The following CCDC171 variants were observed in gnomAD, a reference collection of about 807,000 sequenced individuals.
CCDC171 encodes the protein coiled-coil domain containing 171.
In CCDC171, 177 loss-of-function variants were observed where a neutral mutation model predicts 168.2. The ratio of observed to expected loss-of-function variants is 1.05; its 90% CI spans 0.93 to 1.19. CCDC171 has a LOEUF of 1.19. Ranked by LOEUF, CCDC171 falls within the 50% of genes most tolerant of loss-of-function variation. CCDC171 has a pLI of 0.00. For synonymous variants in CCDC171, 687 were observed against 540.8 expected, an observed-to-expected ratio of 1.27 and a Z score of -3.75; for missense variants, 1,991 against 1,539.0, an observed-to-expected ratio of 1.29 and a Z score of -4.91.
At chr9:15,554,749 G>C (rs989585068) in intron 1 of CCDC171, among the ~76,000 whole-genome samples, 1 of 152,178 alleles carries the variant, frequency 6.6e-6, no homozygotes, top group Admixed American at 6.5e-5. Context: ...ACAGCACTGC[G>C]TAGTGAAAGA....
Position 15,678,855 on chromosome 9 carries a change from A to G in CCDC171, c.1174A>G (p.Asn392Asp), listed in dbSNP as rs760083621. ...AGACCTTTCAAAGAGACTCCAGTATAATGAAAAAAGTTGCAGTGAATTACA... is the reference window on the plus strand; with the variant it reads ...AGACCTTTCAAAGAGACTCCAGTATGATGAAAAAAGTTGCAGTGAATTACA... ...IIDLSKRLQY[N>D]EKSCSELQEE... Residue 392 changes from asparagine (N) to aspartate (D), a missense_variant, in exon 10 of 26, where the codon AAT (asparagine) becomes GAT (aspartate). Transcript: ENST00000380701. 18 of 1,594,074 alleles carry G rather than the reference A, an allele frequency of 1.1e-5. No individual in the cohort carries two copies. Among genetic ancestry groups the G allele is most frequent in the Non-Finnish European group, 1.5e-5 (18 of 1,172,834 alleles).
intron 16 of CCDC171, among the ~76,000 whole-genome samples, chr9:15,742,435 C>CT (rs1199335557): frequency 6.6e-5 from 10 of 152,204 alleles, no homozygotes. Flanking sequence ...CTGCCTCTTC[C>CT]TTTTCCTCAT....
At chr9:15,716,257 A>G (rs1353076526) in intron 11 of CCDC171, among the ~76,000 whole-genome samples, 2 of 152,120 alleles carry the variant, frequency 1.3e-5, no homozygotes, top group East Asian at 1.9e-4. Flanking sequence ...GATATATTCT[A>G]TTCTTCATTT....
At chr9:16,024,881 C>T (rs934397138) in intron 6 of CCDC171, among the ~76,000 whole-genome samples, 1 of 152,216 alleles carries the variant, frequency 6.6e-6, no homozygotes, top group Non-Finnish European at 1.5e-5. Context: ...TGCTGAGAAC[C>T]TGCTATTTGG....
intron 21 of CCDC171, among the ~76,000 whole-genome samples, chr9:15,812,354 G>A (rs1023839785): frequency 6.6e-6 from 1 of 152,154 alleles, no homozygotes; most frequent in African/African-American, 2.4e-5. Flanking sequence ...GGTAGCGAGG[G>A]TAATCTTCAA....
In CCDC171 at chr9:15,730,233, G is replaced by GCTGATATTATATAAGGTTATATTATATAA. The variant is rs558548285; in HGVS notation, c.2049+457_2049+485dup. ...TTTGGGGTTAAAATCTCCTATGCCT[G>GCTGATATTATATAAGGTTATATTATATAA]CTGATATTATATAAGGTTATATTAT... On this transcript the variant is annotated intron_variant, in intron 16 of 25. Coordinates refer to ENST00000380701, the MANE Select transcript of CCDC171 (RefSeq NM_173550.4). 8.1e-3 allele frequency among the ~76,000 whole-genome samples: 1,233 copies of GCTGATATTATATAAGGTTATATTATATAA among 151,582 alleles called. 19 individuals carry two copies. Among genetic ancestry groups the GCTGATATTATATAAGGTTATATTATATAA allele is most frequent in the African/African-American group, 0.029 (1,188 of 41,214 alleles).
intron 23 of CCDC171, among the ~76,000 whole-genome samples, chr9:15,869,297 A>C (rs1462600220): frequency 6.6e-6 from 1 of 151,966 alleles, no homozygotes; most frequent in South Asian, 2.1e-4. Flanking sequence ...GAAGGAGGAA[A>C]GTATCCATTT....
intron 23 of CCDC171, among the ~76,000 whole-genome samples, chr9:15,866,446 A>G (rs535443039): frequency 1.8e-4 from 28 of 152,130 alleles, no homozygotes; most frequent in Admixed American, 5.9e-4. Flanking sequence ...AAAGTGGCAT[A>G]TGATGATGAG....
chr9:15,721,673 C>T, intron 11 of CCDC171, 96 bp from the exon 12 acceptor site: 3 of 500,218 alleles, frequency 6.0e-6, no homozygotes, highest in Non-Finnish European at 1.0e-5. Context: ...AACGTCTTTT[C>T]AGCTCTACCT....
the CCDC171 span, among the ~76,000 whole-genome samples, chr9:16,075,904 T>G: frequency 6.6e-6 from 1 of 151,278 alleles, no homozygotes; most frequent in African/African-American, 2.5e-5. Flanking sequence ...ATAGCATAGG[T>G]TGAAGTAGAT....
intron 3 of CCDC171, among the ~76,000 whole-genome samples, chr9:15,574,487 C>T (rs980057838): frequency 2.0e-5 from 3 of 152,008 alleles, no homozygotes; most frequent in Non-Finnish European, 4.4e-5. Context: ...CCATGTTGGC[C>T]AGGCTGGTCG....
intron 25 of CCDC171, among the ~76,000 whole-genome samples, chr9:15,954,609 C>A (rs1829585776): frequency 6.6e-6 from 1 of 151,404 alleles, no homozygotes; most frequent in African/African-American, 2.4e-5. Context: ...TTTCTTCGAT[C>A]ATTTTTCTTT....
At chr9:15,722,492 A>C (rs146520901) in intron 12 of CCDC171, among the ~76,000 whole-genome samples, 3 of 152,348 alleles carry the variant, frequency 2.0e-5, no homozygotes, top group Admixed American at 2.0e-4. Context: ...AAAATGTTTT[A>C]TGAATTTGTG....
intron 21 of CCDC171, among the ~76,000 whole-genome samples, chr9:15,839,431 T>G (rs1347199422): frequency 6.6e-6 from 1 of 152,158 alleles, no homozygotes; most frequent in African/African-American, 2.4e-5. Flanking sequence ...GGTTTTAGAT[T>G]CAGAAGAAGG....
At chr9:15,987,930 T>C (rs988566762) in intron 3 of CCDC171, among the ~76,000 whole-genome samples, 4 of 152,224 alleles carry the variant, frequency 2.6e-5, no homozygotes, top group African/African-American at 9.6e-5. Flanking sequence ...TTGTGTACAC[T>C]GAACCATTGG....
intron 25 of CCDC171, among the ~76,000 whole-genome samples, chr9:15,925,885 C>T (rs949353119): frequency 2.0e-5 from 3 of 151,572 alleles, no homozygotes; most frequent in South Asian, 2.1e-4. Flanking sequence ...GGAACTCACA[C>T]GTCTCTGTGT....
intron 3 of CCDC171, among the ~76,000 whole-genome samples, chr9:16,003,096 A>G (rs1832602349): frequency 6.6e-6 from 1 of 152,224 alleles, no homozygotes; most frequent in Non-Finnish European, 1.5e-5. Context: ...ATAACCCCTT[A>G]CACAATTTCT....
chr9:15,727,372 A>G (rs1178868463), intron 14 of CCDC171, among the ~76,000 whole-genome samples: 1 of 152,240 alleles, frequency 6.6e-6, no homozygotes, highest in Non-Finnish European at 1.5e-5. Context: ...GTGTCCATGT[A>G]AAGTACAGAT....
intron 6 of CCDC171, among the ~76,000 whole-genome samples, chr9:15,599,508 C>T (rs551874375): frequency 4.0e-4 from 61 of 152,212 alleles, no homozygotes; most frequent in African/African-American, 1.2e-3. Flanking sequence ...GATTTTCTGC[C>T]GAGAGATCCG....
Sources: allele counts gnomAD v4.1 joint callset (sites outside exome capture counted in the v4.1 genomes callset), GRCh38; gene constraint gnomAD v4.1.1; transcripts MANE v1.5; gene names NCBI Gene and HGNC (gene_info 2026-07-23, HGNC 2026-07-21).